The following MTHFD1L variants were observed in gnomAD, a reference collection of about 807,000 sequenced individuals.
MTHFD1L encodes the protein methylenetetrahydrofolate dehydrogenase (NADP+ dependent) 1 like.
MTHFD1L carries 81 observed loss-of-function variants against 119.5 expected under a neutral mutation model. The ratio of observed to expected loss-of-function variants is 0.68; its 90% CI spans 0.57 to 0.82. MTHFD1L has a LOEUF of 0.82. MTHFD1L is among the 40% of genes least tolerant of loss of function. The probability of loss-of-function intolerance (pLI) is 0.00; values close to 1 mark genes in which losing one functional copy is unlikely to be tolerated. For missense variants in MTHFD1L, 1,125 were observed against 1,253.4 expected (o/e 0.90, Z 1.55); for synonymous variants, 430 against 475.2 (o/e 0.90, Z 1.24).
chr6:150,916,737 C>CTTTT (rs57961829), intron 8 of MTHFD1L, among the ~76,000 whole-genome samples: 53 of 72,112 alleles, frequency 7.3e-4, no homozygotes, highest in African/African-American at 1.4e-3. Flanking sequence ...GATTCTATCC[C>CTTTT]TTTTTTTTTT....
chr6:150,975,080 T>C (rs1776366931), intron 20 of MTHFD1L, among the ~76,000 whole-genome samples: 3 of 152,234 alleles, frequency 2.0e-5, no homozygotes, highest in Non-Finnish European at 4.4e-5. Context: ...TTCCATCGTA[T>C]GGATAGACCA....
intron 11 of MTHFD1L, among the ~76,000 whole-genome samples, chr6:150,927,782 G>A (rs776670379): frequency 3.9e-5 from 6 of 152,022 alleles, no homozygotes; most frequent in Non-Finnish European, 8.8e-5. Context: ...AAACATGTTG[G>A]GGAAGCAGGG....
At chr6:151,049,710 A>C (rs531164748) in intron 26 of MTHFD1L, among the ~76,000 whole-genome samples, 1 of 151,748 alleles carries the variant, frequency 6.6e-6, no homozygotes, top group African/African-American at 2.4e-5. Context: ...CCTTGGGTTC[A>C]ATTAAGTTCC....
chr6:151,042,303 A>G (rs1787254777), intron 26 of MTHFD1L, among the ~76,000 whole-genome samples: 1 of 152,194 alleles, frequency 6.6e-6, no homozygotes, highest in African/African-American at 2.4e-5. Context: ...GACATGATAC[A>G]TATTATTGAA....
At chr6:150,900,552 G>C (rs1192125816) in intron 7 of MTHFD1L, among the ~76,000 whole-genome samples, 1 of 151,992 alleles carries the variant, frequency 6.6e-6, no homozygotes, top group Non-Finnish European at 1.5e-5. Context: ...TTCCAGACCC[G>C]GGCCCCCAGC....
chr6:151,043,322 T>A (rs1191675335), intron 26 of MTHFD1L, among the ~76,000 whole-genome samples: 6 of 134,046 alleles, frequency 4.5e-5, no homozygotes, highest in Non-Finnish European at 6.2e-5. Context: ...TGGAGTGCAG[T>A]AGCATGATCT....
At chr6:150,970,521 T>C (rs1161317828) in intron 19 of MTHFD1L, among the ~76,000 whole-genome samples, 1 of 152,236 alleles carries the variant, frequency 6.6e-6, no homozygotes, top group Non-Finnish European at 1.5e-5. Context: ...TGTTTATATT[T>C]TACTGTTCAT....
In MTHFD1L at chr6:151,101,055, AG is replaced by A. The variant is rs1795329221; in HGVS notation, c.*32-469del. Among the ~76,000 whole-genome samples, 11 of 152,230 alleles carry A rather than the reference AG, an allele frequency of 7.2e-5. 1 individual carries two copies. The South Asian group carries it at 2.1e-3, about 29-fold the overall frequency. On this transcript the variant is annotated intron_variant, in intron 27 of 27. Transcript: ENST00000367321. ...ACACTTGTAATCCCAGCTACTCCGGAGGCTGTGGCGGGAGGATTGCTTGAAC... is the reference window on the plus strand; with the variant it reads ...ACACTTGTAATCCCAGCTACTCCGGAGCTGTGGCGGGAGGATTGCTTGAAC...
intron 26 of MTHFD1L, chr6:151,088,079 G>C (rs898591628): frequency 1.3e-5 from 2 of 152,178 alleles, no homozygotes; most frequent in African/African-American, 2.4e-5. Context: ...TGTATGTCTG[G>C]GGGGGTGACA....
At chr6:151,048,877 T>C (rs1788527480) in intron 26 of MTHFD1L, among the ~76,000 whole-genome samples, 1 of 152,224 alleles carries the variant, frequency 6.6e-6, no homozygotes, top group South Asian at 2.1e-4. Context: ...GGCTTTTCCT[T>C]ACACACCAAA....
chr6:150,876,500 T>TG (rs1380486998), intron 2 of MTHFD1L, among the ~76,000 whole-genome samples: 1 of 152,180 alleles, frequency 6.6e-6, no homozygotes, highest in Non-Finnish European at 1.5e-5. Context: ...TTGAAGGTGC[T>TG]GGGGGAAAAA....
chr6:150,905,011 T>C (rs1220041569), intron 7 of MTHFD1L, among the ~76,000 whole-genome samples: 1 of 150,392 alleles, frequency 6.6e-6, no homozygotes, highest in African/African-American at 2.4e-5. Flanking sequence ...GAGCCAGACC[T>C]CATGGCCTTA....
Position 150,903,211 on chromosome 6 carries a change from T to C in MTHFD1L, c.781-2439T>C, listed in dbSNP as rs1174887986. ...GTGATATTGGCTGCAAAATTTTTTT[T>C]TTTTTTTTTTTTTTTTTTTTTTTTG... On this transcript the variant is annotated intron_variant, in intron 7 of 27. Coordinates refer to ENST00000367321, the MANE Select transcript of MTHFD1L (RefSeq NM_015440.5). Among the ~76,000 whole-genome samples the C allele has an allele frequency of 1.8e-3, 194 of 109,714 alleles. 13 individuals carry two copies. The highest frequency in any genetic ancestry group is 0.014 in the Middle Eastern group (3 of 208). 72.0% of individuals were successfully genotyped at this position (109,714 alleles called of 152,430 possible).
At chr6:150,882,740 TG>T (rs1781575120) in intron 4 of MTHFD1L, 21 bp from the exon 5 acceptor site, 10 of 1,437,658 alleles carry the variant, frequency 7.0e-6, no homozygotes, top group Admixed American at 5.7e-5. Flanking sequence ...ATTTTTATTT[TG>T]TTTTTTTGTT....
intron 27 of MTHFD1L, among the ~76,000 whole-genome samples, chr6:151,096,597 T>G (rs890762185): frequency 2.6e-5 from 4 of 152,190 alleles, no homozygotes; most frequent in Non-Finnish European, 5.9e-5. Flanking sequence ...TGTTAAAGCT[T>G]AGGTGACAGC....
At chr6:150,873,178 G>A (rs1370720654) in intron 1 of MTHFD1L, among the ~76,000 whole-genome samples, 1 of 152,016 alleles carries the variant, frequency 6.6e-6, no homozygotes, top group Non-Finnish European at 1.5e-5. Flanking sequence ...AGTGGGACGT[G>A]GTGGCATGCA....
chr6:151,064,855 T>A (rs1046471765), intron 26 of MTHFD1L, among the ~76,000 whole-genome samples: 1 of 151,784 alleles, frequency 6.6e-6, no homozygotes. Context: ...CAGGCTGGAG[T>A]GCAGTGGTGT....
chr6:151,035,963 C>T (rs1786100735), intron 25 of MTHFD1L, among the ~76,000 whole-genome samples: 1 of 152,108 alleles, frequency 6.6e-6, no homozygotes, highest in African/African-American at 2.4e-5. Flanking sequence ...AAATTCTTAT[C>T]GGTATAGAAG....
intron 20 of MTHFD1L, among the ~76,000 whole-genome samples, chr6:150,983,846 C>T (rs1777883405): frequency 6.6e-6 from 1 of 152,198 alleles, no homozygotes; most frequent in Non-Finnish European, 1.5e-5. Context: ...TAACAGCTCA[C>T]TGCAACCTCT....
Sources: allele counts gnomAD v4.1 joint callset (sites outside exome capture counted in the v4.1 genomes callset), GRCh38; gene constraint gnomAD v4.1.1; transcripts MANE v1.5; gene names NCBI Gene and HGNC (gene_info 2026-07-23, HGNC 2026-07-21).